The following HIVEP1 variants were observed in gnomAD, a reference collection of about 807,000 sequenced individuals.
HIVEP1 encodes the protein zinc finger protein 40.
In HIVEP1, 36 loss-of-function variants were observed where a neutral mutation model predicts 180.0. The observed-to-expected ratio is 0.20, with a 90% confidence interval of 0.15 to 0.26. The LOEUF (loss-of-function observed/expected upper bound fraction) is 0.26, where lower values mean the gene tolerates loss of function less well. HIVEP1 is among the 10% of genes least tolerant of loss of function. The pLI is 1.00. For missense variants in HIVEP1, 3,143 were observed against 3,268.7 expected, an observed-to-expected ratio of 0.96 and a Z score of 0.94; for synonymous variants, 1,239 against 1,239.0, an observed-to-expected ratio of 1.00 and a Z score of 0.00.
intron 2 of HIVEP1, among the ~76,000 whole-genome samples, chr6:12,047,754 C>A (rs1770235925): frequency 6.6e-6 from 1 of 152,180 alleles, no homozygotes; most frequent in African/African-American, 2.4e-5. Flanking sequence ...CTTCTAAGGG[C>A]ACCTTTTTCC....
At chr6:12,167,571 GTT>G (rs1760736333), downstream of HIVEP1, among the ~76,000 whole-genome samples, 6 of 1,110 alleles carry the variant, frequency 5.4e-3, 1 homozygote, top group Non-Finnish European at 3.6e-3. Context: ...TTACATGCAT[GTT>G]ATATATACGT....
intron 2 of HIVEP1, among the ~76,000 whole-genome samples, chr6:12,021,519 C>G (rs967903971): frequency 3.3e-5 from 5 of 152,144 alleles, no homozygotes; most frequent in Admixed American, 6.5e-5. Context: ...CCCTGGGTCT[C>G]CTTTGCTTGT....
chr6:12,186,138 C>G, the HIVEP1 span, among the ~76,000 whole-genome samples: 501 of 151,826 alleles, frequency 3.3e-3, 4 homozygotes, highest in African/African-American at 0.011. Context: ...AAGTAAAAAT[C>G]TAAATTTTCA....
At chr6:12,182,670 T>G in the HIVEP1 span, among the ~76,000 whole-genome samples, 2 of 152,200 alleles carry the variant, frequency 1.3e-5, no homozygotes, top group African/African-American at 4.8e-5. Context: ...ACCTCTTGGG[T>G]TCTTTGTGAC....
downstream of HIVEP1, among the ~76,000 whole-genome samples, chr6:12,168,393 T>C (rs1386461103): frequency 0.012 from 1,683 of 139,364 alleles, 23 homozygotes; most frequent in Middle Eastern, 0.027. Flanking sequence ...TGTATATATA[T>C]AATATTTTAT....
intron 2 of HIVEP1, among the ~76,000 whole-genome samples, chr6:12,056,253 G>A (rs1403222326): frequency 6.6e-6 from 1 of 152,188 alleles, no homozygotes; most frequent in Admixed American, 6.5e-5. Flanking sequence ...TGTGAGGTTT[G>A]AAGATGAAGG....
intron 2 of HIVEP1, among the ~76,000 whole-genome samples, chr6:12,053,329 G>A (rs932622195): frequency 1.7e-4 from 26 of 151,098 alleles, no homozygotes; most frequent in African/African-American, 6.3e-4. Context: ...CTGTCAATTT[G>A]TGGTTTGTTT....
downstream of HIVEP1, among the ~76,000 whole-genome samples, chr6:12,169,955 C>T (rs1250495455): frequency 6.6e-6 from 1 of 151,842 alleles, no homozygotes; most frequent in Non-Finnish European, 1.5e-5. Flanking sequence ...CCTGTCTCTA[C>T]TACAAATACA....
intron 7 of HIVEP1, among the ~76,000 whole-genome samples, chr6:12,148,307 G>A (rs1035507561): frequency 5.3e-5 from 8 of 152,114 alleles, no homozygotes; most frequent in African/African-American, 1.4e-4. Flanking sequence ...ACCCCGATGC[G>A]TCTCCACCTC....
chr6:12,164,708 A>C lies in HIVEP1; in HGVS notation c.*247A>C, dbSNP rs1347211800. ...TACAGATTGTTGAATATCTATATAC[A>C]TAAAAATATATTATATATGTATATG... On this transcript the variant is annotated 3_prime_UTR_variant, in exon 9 of 9. Coordinates refer to ENST00000379388, the MANE Select transcript of HIVEP1 (RefSeq NM_002114.4). 2 of 284,374 alleles carry C rather than the reference A, an allele frequency of 7.0e-6. No individual in the cohort carries two copies. The highest frequency in any genetic ancestry group is 1.3e-5 in the Non-Finnish European group (2 of 154,560). The allele number at this position is 284,374 out of a possible 1,614,324, so 17.6% of individuals were successfully genotyped here. A position where few individuals can be genotyped will look rare whatever the true frequency, so the allele number is the denominator to read the frequency against.
chr6:12,114,148 G>C lies in HIVEP1; in HGVS notation c.95-5742G>C, dbSNP rs558058549. Among the ~76,000 whole-genome samples the C allele has an allele frequency of 1.2e-4, 19 of 152,190 alleles. No homozygotes were observed. In the South Asian group the frequency reaches 3.9e-3, roughly 32 times the overall value. On this transcript the variant is annotated intron_variant, in intron 3 of 8. Coordinates refer to ENST00000379388, the MANE Select transcript of HIVEP1 (RefSeq NM_002114.4). ...ACTTTACAGCCATATCCCCAGGAGA[G>C]CGCCTGTATTTGCGGGCCCTGCGCG...
At chr6:12,008,295 A>G (rs1193341319), upstream of HIVEP1, 1 of 152,214 alleles carries the variant, frequency 6.6e-6, no homozygotes, top group Non-Finnish European at 1.5e-5. Context: ...GGACTGTCTC[A>G]GAAGGGAAAT....
Position 12,164,178 on chromosome 6 carries a change from C to G in HIVEP1, c.7874C>G (p.Ala2625Gly), listed in dbSNP as rs1199621645. 6.2e-7 allele frequency: 1 copy of G among 1,614,112 alleles called. No homozygotes were observed. Among genetic ancestry groups the G allele is most frequent in the African/African-American group, 1.3e-5 (1 of 74,950 alleles). Residue 2625 changes from alanine to glycine, a missense_variant, in exon 9 of 9, where the codon GCA becomes GGA. By Grantham distance (60) the Ala-to-Gly change is moderately conservative (BLOSUM62 0). Around this residue, in one of 12 missense-constraint regions of HIVEP1, gnomAD observed 595 missense variants for 602.2 expected, o/e 0.99. Transcript: ENST00000379388. ...CCACCTGCCCCTGCAGGTGACCATG[C>G]AAGGCTTGATGGCCTGAGTAAAATG... ...LNPPAPAGDHARLDGLSKMDT... is the reference protein window; with the variant it reads ...LNPPAPAGDHGRLDGLSKMDT...
chr6:12,047,348 A>G (rs987322429), intron 2 of HIVEP1, among the ~76,000 whole-genome samples: 6 of 152,226 alleles, frequency 3.9e-5, no homozygotes, highest in African/African-American at 1.4e-4. Context: ...GCAGTTTTAA[A>G]CGACTGGAGA....
Position 12,129,767 on chromosome 6 carries a change from A to T in HIVEP1, c.6084A>T (p.Leu2028Phe). ...CTCTTTTTTCCTTTCAGAGAGCATTAGGTAATCAAAAGTCCACAGTAGTTG... is the reference window on the plus strand; with the variant it reads ...CTCTTTTTTCCTTTCAGAGAGCATTTGGTAATCAAAAGTCCACAGTAGTTG... Reference protein sequence around the residue: ...KWKSSLSKRALGNQKSTVVEF... With the variant: ...KWKSSLSKRAFGNQKSTVVEF... Residue 2028 changes from leucine (L) to phenylalanine (F), a missense_variant, in exon 5 of 9, where the codon TTA becomes TTT. Leu to Phe is a conservative substitution (Grantham distance 22, BLOSUM62 0). Around this residue, in one of 12 missense-constraint regions of HIVEP1, gnomAD observed 1,357 missense variants for 1,260.5 expected, o/e 1.08. Coordinates refer to ENST00000379388, the MANE Select transcript of HIVEP1 (RefSeq NM_002114.4). 1 of 1,602,086 alleles carries T rather than the reference A, an allele frequency of 6.2e-7. No homozygotes were observed. Among genetic ancestry groups the T allele is most frequent in the Non-Finnish European group, 8.6e-7 (1 of 1,169,284 alleles).
At chr6:12,028,944 G>T (rs376914271) in intron 2 of HIVEP1, among the ~76,000 whole-genome samples, 1 of 152,174 alleles carries the variant, frequency 6.6e-6, no homozygotes, top group Non-Finnish European at 1.5e-5. Flanking sequence ...CATTTAATAA[G>T]TAGAATCATA....
chr6:12,124,010 G>A lies in HIVEP1; in HGVS notation c.4215G>A (p.Gln1405=). 6.2e-7 allele frequency: 1 copy of A among 1,614,126 alleles called. No homozygotes were observed. Among genetic ancestry groups the A allele is most frequent in the Non-Finnish European group, 8.5e-7 (1 of 1,180,020 alleles). ...PPQTTPLTEL[Q]PPSSPSRVGV... The stretch of plus-strand genomic sequence containing the variant: ...AGACAACACCACTTACTGAATTGCA[G>A]CCTCCATCTTCACCTTCTCGAGTGG... Residue 1405 remains glutamine, a synonymous_variant, in exon 4 of 9, where the codon CAG becomes CAA. Coordinates refer to ENST00000379388, the MANE Select transcript of HIVEP1 (RefSeq NM_002114.4).
intron 7 of HIVEP1, among the ~76,000 whole-genome samples, chr6:12,155,815 T>C (rs1760005777): frequency 6.6e-6 from 1 of 152,230 alleles, no homozygotes; most frequent in African/African-American, 2.4e-5. Context: ...TCTAGGTCTT[T>C]GAGGAATCAC....
intron 2 of HIVEP1, among the ~76,000 whole-genome samples, chr6:12,016,434 A>G (rs1398863698): frequency 1.3e-5 from 2 of 152,246 alleles, no homozygotes; most frequent in Admixed American, 6.5e-5. Context: ...CAAACTGACT[A>G]TGGTGTTTTA....
Sources: gnomAD v4.1 joint callset for allele counts (sites outside exome capture counted in the v4.1 genomes callset) on GRCh38, gnomAD v4.1.1 for gene constraint, gnomAD v4.1.1 regional missense constraint, MANE v1.5 for transcripts, NCBI Gene and HGNC (gene_info 2026-07-23, HGNC 2026-07-21) for gene names.